The following ACTR3C variants were observed in gnomAD, a reference collection of about 807,000 sequenced individuals.
ACTR3C encodes actin-related protein 3C.
A neutral mutation model predicts 26.3 loss-of-function variants in ACTR3C; 18 were observed. The ratio of observed to expected loss-of-function variants is 0.68; its 90% confidence interval spans 0.47 to 1.01. The LOEUF (loss-of-function observed/expected upper bound fraction) is 1.01, where lower values mean the gene tolerates loss of function less well. ACTR3C is among the 50% of genes least tolerant of loss of function. ACTR3C has a pLI of 0.00. For missense variants in ACTR3C, 184 were observed against 250.7 expected (o/e 0.73, Z 1.80); for synonymous variants, 55 against 94.5 (o/e 0.58, Z 2.42).
chr7:149,882,241 C>T, the ACTR3C span: 3 of 152,560 alleles, frequency 2.0e-5, no homozygotes, highest in Non-Finnish European at 4.4e-5. Flanking sequence ...GGGCATGTAT[C>T]CAAAATGGCT....
chr7:150,137,596 AG>A, the ACTR3C span, among the ~76,000 whole-genome samples: 1 of 152,172 alleles, frequency 6.6e-6, no homozygotes, highest in African/African-American at 2.4e-5. Context: ...TGAAACAATG[AG>A]GGTTCTTAGG....
At chr7:150,170,360 A>C in the ACTR3C span, among the ~76,000 whole-genome samples, 1 of 150,866 alleles carries the variant, frequency 6.6e-6, no homozygotes, top group Non-Finnish European at 1.5e-5. Context: ...TCTCTGCTAG[A>C]AGCAAGTCAC....
the ACTR3C span, among the ~76,000 whole-genome samples, chr7:149,967,028 ATTTTTTT>A: frequency 3.4e-4 from 22 of 64,718 alleles, no homozygotes; most frequent in South Asian, 5.4e-3. Context: ...TGCACAGCTA[ATTTTTTT>A]TTTTTTTTTT....
intron 1 of ACTR3C, among the ~76,000 whole-genome samples, chr7:150,317,955 AG>A (rs1231931887): frequency 6.6e-6 from 1 of 151,970 alleles, no homozygotes; most frequent in African/African-American, 2.4e-5. Context: ...GTCTCACAAG[AG>A]GGTGTTAAAA....
chr7:150,102,288 C>T, the ACTR3C span, among the ~76,000 whole-genome samples: 10 of 151,892 alleles, frequency 6.6e-5, no homozygotes, highest in East Asian at 1.7e-3. Flanking sequence ...TGTGGATCAA[C>T]TTTATAAAAC....
At chr7:150,104,230 A>C in the ACTR3C span, among the ~76,000 whole-genome samples, 1 of 151,368 alleles carries the variant, frequency 6.6e-6, no homozygotes, top group Non-Finnish European at 1.5e-5. Context: ...ATCTGCTAGG[A>C]TGGCCAGAGG....
the ACTR3C span, among the ~76,000 whole-genome samples, chr7:150,065,158 C>T: frequency 6.6e-6 from 1 of 151,986 alleles, no homozygotes; most frequent in African/African-American, 2.4e-5. Flanking sequence ...ACTGCCATTA[C>T]AAGTAATTCC....
the ACTR3C span, among the ~76,000 whole-genome samples, chr7:150,098,325 G>A: frequency 0.14 from 21,343 of 151,316 alleles, 1,879 homozygotes; most frequent in South Asian, 0.19. Context: ...AGAGATATGT[G>A]GGATCAGGCC....
chr7:150,038,162 C>T, the ACTR3C span, among the ~76,000 whole-genome samples: 1 of 142,838 alleles, frequency 7.0e-6, no homozygotes, highest in South Asian at 2.2e-4. Context: ...AATGGGGGGC[C>T]TTTATGTTCA....
the ACTR3C span, among the ~76,000 whole-genome samples, chr7:149,919,265 CAG>C: frequency 6.7e-6 from 1 of 149,772 alleles, no homozygotes; most frequent in South Asian, 2.1e-4. Flanking sequence ...TTTTTTGAGA[CAG>C]AGTCACTCTG....
chr7:150,229,651 ATTTT>A, the ACTR3C span, among the ~76,000 whole-genome samples: 381 of 134,300 alleles, frequency 2.8e-3, 2 homozygotes, highest in African/African-American at 1.0e-2. Context: ...CACACAGCTA[ATTTT>A]TTTTTTTTTT....
At chr7:149,989,156 A>G in the ACTR3C span, among the ~76,000 whole-genome samples, 2 of 152,368 alleles carry the variant, frequency 1.3e-5, no homozygotes, top group East Asian at 3.9e-4. Flanking sequence ...TCATTTAAAA[A>G]AAATGTTTAA....
the ACTR3C span, among the ~76,000 whole-genome samples, chr7:150,084,507 C>G: frequency 2.0e-5 from 3 of 152,100 alleles, no homozygotes; most frequent in Non-Finnish European, 2.9e-5. Context: ...CAAGGAATGC[C>G]TCACTGCGGA....
At chr7:150,007,674 G>A in the ACTR3C span, among the ~76,000 whole-genome samples, 2 of 152,050 alleles carry the variant, frequency 1.3e-5, no homozygotes, top group Admixed American at 1.3e-4. Flanking sequence ...GGAATGAGCT[G>A]TGGATGTTGT....
chr7:150,276,966 G>C (rs1293918534), intron 6 of ACTR3C, among the ~76,000 whole-genome samples: 2 of 152,212 alleles, frequency 1.3e-5, no homozygotes, highest in Non-Finnish European at 2.9e-5. Flanking sequence ...TGCTGTCAGG[G>C]TGTTTTGTGG....
At chr7:150,171,402 A>AT in the ACTR3C span, among the ~76,000 whole-genome samples, 1 of 150,934 alleles carries the variant, frequency 6.6e-6, no homozygotes, top group Non-Finnish European at 1.5e-5. Context: ...AAATGCAATC[A>AT]AAGAAGAAAT....
chr7:149,979,233 G>A, the ACTR3C span, among the ~76,000 whole-genome samples: 4 of 152,204 alleles, frequency 2.6e-5, no homozygotes, highest in South Asian at 8.3e-4. Context: ...GTGTCATTGT[G>A]GCGAGCTGGC....
chr7:150,036,549 G>T, the ACTR3C span, among the ~76,000 whole-genome samples: 8 of 144,462 alleles, frequency 5.5e-5, no homozygotes, highest in Non-Finnish European at 9.4e-5. Flanking sequence ...CAAAAGTTCC[G>T]GGTCCCCGAC....
chr7:149,978,092 G>A, the ACTR3C span, among the ~76,000 whole-genome samples: 1 of 151,650 alleles, frequency 6.6e-6, no homozygotes, highest in Non-Finnish European at 1.5e-5. Context: ...TTGCCTGTGT[G>A]GAAGAGTTTT....
Sources: gnomAD v4.1 joint callset for allele counts (sites outside exome capture counted in the v4.1 genomes callset) on GRCh38, gnomAD v4.1.1 for gene constraint, MANE v1.5 for transcripts, NCBI Gene and HGNC (gene_info 2026-07-23, HGNC 2026-07-21) for gene names.